Variants in CLNK observed in about 807,000 individuals in gnomAD.
CLNK encodes cytokine-dependent hematopoietic cell linker.
A neutral mutation model predicts 68.6 loss-of-function variants in CLNK; 74 were observed. The ratio of observed to expected loss-of-function variants is 1.08; its 90% CI spans 0.89 to 1.31. The LOEUF is 1.31. Among genes scored for constraint, CLNK ranks in the 50% most tolerant of loss-of-function variants. The pLI, the probability that CLNK is intolerant of heterozygous loss-of-function variation, is 0.00. For missense variants in CLNK, 553 were observed against 515.3 expected (o/e 1.07, Z -0.71); for synonymous variants, 198 against 172.2 (o/e 1.15, Z -1.17).
intron 5 of CLNK, among the ~76,000 whole-genome samples, chr4:10,571,516 A>G (rs999678815): frequency 2.6e-5 from 4 of 151,636 alleles, no homozygotes; most frequent in Admixed American, 2.0e-4. Context: ...TTGTATTTTT[A>G]GTAGAAACGG....
intron 2 of CLNK, among the ~76,000 whole-genome samples, chr4:10,644,583 G>A (rs1050391398): frequency 6.6e-6 from 1 of 152,152 alleles, no homozygotes; most frequent in African/African-American, 2.4e-5. Context: ...TCAGGCAGAA[G>A]AACAGGGTGA....
chr4:10,610,062 T>G (rs1433584290), intron 2 of CLNK, among the ~76,000 whole-genome samples: 6 of 18,140 alleles, frequency 3.3e-4, no homozygotes, highest in African/African-American at 9.6e-4. Context: ...TTTTTTTTTT[T>G]TTTTTTTTTT....
intron 6 of CLNK, among the ~76,000 whole-genome samples, chr4:10,565,227 C>T (rs1720059508): frequency 2.6e-5 from 4 of 152,144 alleles, no homozygotes; most frequent in African/African-American, 9.7e-5. Context: ...TCTTTGTGTC[C>T]CCCAGTCAAT....
At chr4:10,597,308 C>T (rs1185793997) in intron 3 of CLNK, among the ~76,000 whole-genome samples, 5 of 152,154 alleles carry the variant, frequency 3.3e-5, no homozygotes, top group African/African-American at 1.2e-4. Context: ...CGGTTCTGCG[C>T]ATGAGGATGT....
At chr4:10,533,466 A>G (rs1287176784) in intron 11 of CLNK, among the ~76,000 whole-genome samples, 1 of 152,170 alleles carries the variant, frequency 6.6e-6, no homozygotes, top group East Asian at 1.9e-4. Flanking sequence ...AAGGCTATTG[A>G]TCTAGAGTTT....
At chr4:10,637,478 C>T (rs1322681997) in intron 2 of CLNK, among the ~76,000 whole-genome samples, 1 of 125,890 alleles carries the variant, frequency 7.9e-6, no homozygotes, top group Non-Finnish European at 1.6e-5. Flanking sequence ...CTTACTGTCA[C>T]AAATTAATAC....
At chr4:10,660,531 T>C (rs1724156092) in intron 2 of CLNK, among the ~76,000 whole-genome samples, 2 of 152,238 alleles carry the variant, frequency 1.3e-5, no homozygotes, top group Non-Finnish European at 2.9e-5. Flanking sequence ...ACTTACATGA[T>C]AACAAACTCA....
chr4:10,509,577 T>G (rs1011609690), intron 16 of CLNK, among the ~76,000 whole-genome samples: 2 of 151,172 alleles, frequency 1.3e-5, no homozygotes, highest in South Asian at 4.2e-4. Flanking sequence ...CTGGCTTGAG[T>G]GCAATGGCAC....
chr4:10,581,474 C>G (rs977161811), intron 4 of CLNK, among the ~76,000 whole-genome samples: 1 of 152,132 alleles, frequency 6.6e-6, no homozygotes, highest in East Asian at 1.9e-4. Context: ...TTCGAAGCCA[C>G]AGATAGTCCA....
intron 2 of CLNK, among the ~76,000 whole-genome samples, chr4:10,657,747 C>T (rs1454802145): frequency 6.6e-6 from 1 of 152,194 alleles, no homozygotes. Context: ...ACGGCCAACA[C>T]AGGATTTTAA....
At chr4:10,724,936 A>G in the CLNK span, among the ~76,000 whole-genome samples, 1 of 152,080 alleles carries the variant, frequency 6.6e-6, no homozygotes, top group African/African-American at 2.4e-5. Context: ...AAATTCAAAG[A>G]CCTAAGAGGG....
intron 2 of CLNK, among the ~76,000 whole-genome samples, chr4:10,626,012 C>T (rs1431238146): frequency 6.6e-6 from 1 of 152,240 alleles, no homozygotes; most frequent in Non-Finnish European, 1.5e-5. Flanking sequence ...ATGATTCCCA[C>T]CTTTAAGGTG....
chr4:10,726,240 C>T, the CLNK span, among the ~76,000 whole-genome samples: 47 of 152,272 alleles, frequency 3.1e-4, no homozygotes, highest in African/African-American at 1.0e-3. Context: ...TCCTGCCTCA[C>T]GCCTCAGGTA....
intron 3 of CLNK, among the ~76,000 whole-genome samples, chr4:10,585,759 C>G: frequency 6.6e-6 from 1 of 152,198 alleles, no homozygotes; most frequent in East Asian, 1.9e-4. Flanking sequence ...CACGTCCAAC[C>G]TGGGCAACAT....
chr4:10,705,604 G>A, the CLNK span, among the ~76,000 whole-genome samples: 1 of 151,528 alleles, frequency 6.6e-6, no homozygotes, highest in Non-Finnish European at 1.5e-5. Context: ...TTCTCATGTT[G>A]TATCACTCTC....
intron 1 of CLNK, among the ~76,000 whole-genome samples, chr4:10,668,641 G>A (rs114867159): frequency 1.4e-3 from 208 of 152,302 alleles, no homozygotes; most frequent in African/African-American, 4.7e-3. Context: ...AAGTATCTGG[G>A]AGTGGTAACA....
At chr4:10,534,970 T>C (rs1432406278) in intron 11 of CLNK, among the ~76,000 whole-genome samples, 2 of 152,218 alleles carry the variant, frequency 1.3e-5, no homozygotes, top group Admixed American at 6.5e-5. Context: ...TAAAGACTTT[T>C]TGTTTTCACT....
At chr4:10,729,296 A>G in the CLNK span, among the ~76,000 whole-genome samples, 2 of 152,206 alleles carry the variant, frequency 1.3e-5, no homozygotes, top group African/African-American at 4.8e-5. Flanking sequence ...AGAAAAGGGA[A>G]GTCTTATATA....
chr4:10,634,143 C>T (rs940648172), intron 2 of CLNK, among the ~76,000 whole-genome samples: 2 of 152,110 alleles, frequency 1.3e-5, no homozygotes, highest in African/African-American at 4.8e-5. Flanking sequence ...TGCCAGAGCT[C>T]AGAGAAGAGA....
Sources: allele counts gnomAD v4.1 joint callset (sites outside exome capture counted in the v4.1 genomes callset), GRCh38; gene constraint gnomAD v4.1.1; transcripts MANE v1.5; gene names NCBI Gene and HGNC (gene_info 2026-07-23, HGNC 2026-07-21).